Variants in ADAM12 observed in about 807,000 individuals in gnomAD.
ADAM12 encodes the protein disintegrin and metalloproteinase domain-containing protein 12.
In ADAM12, 70 loss-of-function variants were observed where a neutral mutation model predicts 106.4. The observed-to-expected ratio is 0.66, with a 90% CI of 0.54 to 0.80. ADAM12 has a LOEUF of 0.80. Among genes scored for constraint, ADAM12 ranks in the 30% least tolerant of loss-of-function variants. The probability of loss-of-function intolerance (pLI) is 0.00; values close to 1 mark genes in which losing one functional copy is unlikely to be tolerated. For missense variants in ADAM12, 1,010 were observed against 1,171.9 expected (o/e 0.86, Z 2.02); for synonymous variants, 420 against 433.5 (o/e 0.97, Z 0.39).
At chr10:126,266,187 A>G (rs1959093200) in intron 3 of ADAM12, among the ~76,000 whole-genome samples, 1 of 152,130 alleles carries the variant, frequency 6.6e-6, no homozygotes, top group Non-Finnish European at 1.5e-5. Context: ...ACAGAATTGC[A>G]CTGCACCTCC....
At chr10:126,028,842 G>GA (rs1192048247) in intron 21 of ADAM12, among the ~76,000 whole-genome samples, 2 of 152,082 alleles carry the variant, frequency 1.3e-5, no homozygotes, top group Non-Finnish European at 2.9e-5. Flanking sequence ...ACAACCTACA[G>GA]AATGGGAGAA....
rs375507899 is a variant in ADAM12 at position 126,180,246 on chromosome 10, C to T, written c.261-24941G>A. Among the ~76,000 whole-genome samples the T allele has an allele frequency of 7.9e-5, 12 of 152,242 alleles. No individual in the cohort carries two copies. The South Asian group carries it at 2.3e-3, about 29-fold the overall frequency. Reference sequence around the variant, plus strand: ...GAAGGTCATCCGCTTAGTAACCAGCCGGATTAAGGTTTGAATCCGAGCTTT... The same window carrying T: ...GAAGGTCATCCGCTTAGTAACCAGCTGGATTAAGGTTTGAATCCGAGCTTT... On this transcript the variant is annotated intron_variant, in intron 3 of 22. Coordinates refer to ENST00000448723, the MANE Select transcript of ADAM12 (RefSeq NM_001288973.2).
rs1674917 is a variant in ADAM12, at chr10:126,155,799, C to A, written c.261-494G>T. ...CTGGCTCCCCCGCAGGTGAGAGAACCGGCTGAAAATATTGAAATGTCACAG... is the reference window on the plus strand; with the variant it reads ...CTGGCTCCCCCGCAGGTGAGAGAACAGGCTGAAAATATTGAAATGTCACAG... On this transcript the variant is annotated intron_variant, in intron 3 of 22. Coordinates refer to ENST00000448723, the MANE Select transcript of ADAM12 (RefSeq NM_001288973.2). 2.3e-3 allele frequency among the ~76,000 whole-genome samples: 343 copies of A among 151,720 alleles called. 1 individual carries two copies. Among genetic ancestry groups the A allele is most frequent in the African/African-American group, 7.7e-3 (317 of 41,356 alleles).
At chr10:126,033,279 A>AT (rs1954001537) in intron 21 of ADAM12, among the ~76,000 whole-genome samples, 2 of 152,214 alleles carry the variant, frequency 1.3e-5, no homozygotes, top group Non-Finnish European at 2.9e-5. Flanking sequence ...CCAGTTTGCC[A>AT]GCATACCATT....
At chr10:126,069,175 G>C (rs1302611162) in intron 12 of ADAM12, among the ~76,000 whole-genome samples, 2 of 152,170 alleles carry the variant, frequency 1.3e-5, no homozygotes, top group Non-Finnish European at 2.9e-5. Flanking sequence ...AGGCAAAGCA[G>C]TTTGGAAACT....
At chr10:126,344,161 C>T (rs1274406072) in intron 1 of ADAM12, among the ~76,000 whole-genome samples, 2 of 152,100 alleles carry the variant, frequency 1.3e-5, no homozygotes, top group Admixed American at 1.3e-4. Flanking sequence ...TTAGGTCTAA[C>T]ATTTAAGTCT....
At chr10:126,259,706 C>A (rs1210807266) in intron 3 of ADAM12, among the ~76,000 whole-genome samples, 1 of 152,232 alleles carries the variant, frequency 6.6e-6, no homozygotes, top group Non-Finnish European at 1.5e-5. Context: ...CTTCTCCACA[C>A]ATGAGGGAAT....
chr10:126,158,227 C>T (rs548156612), intron 3 of ADAM12, among the ~76,000 whole-genome samples: 11 of 131,930 alleles, frequency 8.3e-5, no homozygotes, highest in East Asian at 7.0e-4. Flanking sequence ...CTGCAGAGCA[C>T]GGGGTAATGC....
intron 3 of ADAM12, among the ~76,000 whole-genome samples, chr10:126,259,363 C>T (rs1958954690): frequency 6.6e-6 from 1 of 152,178 alleles, no homozygotes; most frequent in Non-Finnish European, 1.5e-5. Flanking sequence ...AAGTCAAGCT[C>T]TGCAAAGTTA....
chr10:126,166,623 C>T (rs577926116), intron 3 of ADAM12, among the ~76,000 whole-genome samples: 6 of 152,302 alleles, frequency 3.9e-5, no homozygotes, highest in Non-Finnish European at 7.4e-5. Flanking sequence ...CCCAGCCTCC[C>T]GCGTAGCTGA....
At chr10:126,181,361 C>T (rs943186978) in intron 3 of ADAM12, among the ~76,000 whole-genome samples, 3 of 152,140 alleles carry the variant, frequency 2.0e-5, no homozygotes, top group African/African-American at 7.2e-5. Flanking sequence ...CATGAGCCAT[C>T]ACGCCAAGCC....
intron 11 of ADAM12, among the ~76,000 whole-genome samples, chr10:126,083,537 A>G (rs1168583883): frequency 6.6e-6 from 1 of 152,012 alleles, no homozygotes; most frequent in East Asian, 1.9e-4. Flanking sequence ...GGAACACCCA[A>G]GGTTCTACAC....
intron 5 of ADAM12, among the ~76,000 whole-genome samples, chr10:126,129,643 C>A (rs1355885236): frequency 6.6e-6 from 1 of 152,200 alleles, no homozygotes; most frequent in Non-Finnish European, 1.5e-5. Context: ...AAGCACTTCA[C>A]CGAAACCGTA....
chr10:126,259,905 G>A (rs1196684009), intron 3 of ADAM12, among the ~76,000 whole-genome samples: 2 of 152,196 alleles, frequency 1.3e-5, no homozygotes, highest in East Asian at 1.9e-4. Flanking sequence ...ATATATGACA[G>A]TGATGAGTCT....
At chr10:126,319,261 G>A (rs969377907) in intron 2 of ADAM12, among the ~76,000 whole-genome samples, 1 of 152,150 alleles carries the variant, frequency 6.6e-6, no homozygotes, top group Non-Finnish European at 1.5e-5. Flanking sequence ...TATGGGATGC[G>A]CACAGTGACC....
At chr10:126,301,279 C>T (rs1325699538) in intron 2 of ADAM12, among the ~76,000 whole-genome samples, 1 of 152,222 alleles carries the variant, frequency 6.6e-6, no homozygotes, top group East Asian at 1.9e-4. Context: ...GTGCTAACAA[C>T]ACACTGGCTT....
chr10:126,084,324 G>A lies in ADAM12; in HGVS notation c.1145+9661C>T, dbSNP rs182787258. ...GAAAGACCAAGAACCCAGGGGCGGG[G>A]GACACAGTGTCCATATTAAAAGGAC... On this transcript the variant is annotated intron_variant, in intron 11 of 22. Transcript: ENST00000448723. 3.6e-3 allele frequency among the ~76,000 whole-genome samples: 550 copies of A among 152,226 alleles called. 3 individuals are homozygous for A. The highest frequency in any genetic ancestry group is 6.3e-3 in the Non-Finnish European group (427 of 68,014).
intron 21 of ADAM12, among the ~76,000 whole-genome samples, chr10:126,026,704 A>G (rs1457367361): frequency 6.6e-6 from 1 of 152,230 alleles, no homozygotes; most frequent in Non-Finnish European, 1.5e-5. Context: ...GCAGAAATCA[A>G]AAAGTTCTTT....
Position 126,094,138 on chromosome 10 carries a change from A to G in ADAM12, c.997-5T>C, listed in dbSNP as rs1481451583. The G allele has an allele frequency of 6.2e-7, 1 of 1,613,302 alleles. No homozygotes were observed. The highest frequency in any genetic ancestry group is 2.2e-5 in the East Asian group (1 of 44,886). On this transcript the variant is annotated splice_polypyrimidine_tract_variant and splice_region_variant and intron_variant, in intron 10 of 22. Transcript: ENST00000448723. Reference sequence around the variant, plus strand: ...AAGGGGATTGTCTGAATGGTCCTCAAAGAAAACACAAAAGTACAGGTGTAT... The same window carrying G: ...AAGGGGATTGTCTGAATGGTCCTCAGAGAAAACACAAAAGTACAGGTGTAT...
Sources: gnomAD v4.1 joint callset for allele counts (sites outside exome capture counted in the v4.1 genomes callset) on GRCh38, gnomAD v4.1.1 for gene constraint, MANE v1.5 for transcripts, NCBI Gene and HGNC (gene_info 2026-07-23, HGNC 2026-07-21) for gene names.